Variants in SLC25A26 observed in about 807,000 individuals in gnomAD.
SLC25A26 encodes the protein solute carrier family 25 member 26, also known as mitochondrial S-adenosylmethionine carrier protein.
In SLC25A26, 36 loss-of-function variants were observed where a neutral mutation model predicts 37.8. That is an observed-to-expected ratio of 0.95 (90% CI 0.73 to 1.26). SLC25A26 has a LOEUF of 1.26. Among genes scored for constraint, SLC25A26 ranks in the 50% most tolerant of loss-of-function variants. The pLI, the probability that SLC25A26 is intolerant of heterozygous loss-of-function variation, is 0.00. For synonymous variants in SLC25A26, 129 were observed against 122.5 expected, an observed-to-expected ratio of 1.05 and a Z score of -0.35; for missense variants, 390 against 331.1, an observed-to-expected ratio of 1.18 and a Z score of -1.38.
chr3:66,134,908 G>T (rs2069924500), intron 1 of SLC25A26, among the ~76,000 whole-genome samples: 1 of 151,688 alleles, frequency 6.6e-6, no homozygotes, highest in Non-Finnish European at 1.5e-5. Flanking sequence ...TCGACTCACT[G>T]CAACTTCTGC....
At chr3:66,377,653 AT>A in intron 9 of SLC25A26, 36 bp from the exon 10 acceptor site, 1 of 1,527,558 alleles carries the variant, frequency 6.5e-7, no homozygotes, top group Non-Finnish European at 9.1e-7. Flanking sequence ...TTTTTTTAAA[AT>A]ACGCACAACA....
chr3:66,210,637 C>T (rs1054653901), intron 1 of SLC25A26, among the ~76,000 whole-genome samples: 4 of 152,058 alleles, frequency 2.6e-5, no homozygotes, highest in South Asian at 2.1e-4. Flanking sequence ...CTCTGTCTCT[C>T]GAGTAGTTGG....
intron 1 of SLC25A26, among the ~76,000 whole-genome samples, chr3:66,142,200 A>G (rs921958973): frequency 2.6e-5 from 4 of 152,176 alleles, no homozygotes; most frequent in African/African-American, 7.2e-5. Flanking sequence ...AGATTTACCT[A>G]TTCTGCACAC....
intron 5 of SLC25A26, among the ~76,000 whole-genome samples, chr3:66,283,017 C>T (rs1439392638): frequency 1.3e-5 from 2 of 152,150 alleles, no homozygotes. Flanking sequence ...TTGCATGTAT[C>T]AATAGTTTCT....
At chr3:66,362,991 C>T in intron 7 of SLC25A26, 62 bp downstream of exon 7, 6 of 1,133,184 alleles carry the variant, frequency 5.3e-6, no homozygotes, top group Non-Finnish European at 7.6e-6. Flanking sequence ...AAAATATTAA[C>T]TATGCAAAAA....
intron 1 of SLC25A26, among the ~76,000 whole-genome samples, chr3:66,229,864 T>TAA (rs373581880): frequency 1.2e-4 from 18 of 148,920 alleles, no homozygotes; most frequent in East Asian, 3.9e-4. Context: ...ATAGCCTCAC[T>TAA]AAAAAAAAAA....
chr3:66,348,187 G>C (rs1017713870), intron 6 of SLC25A26, among the ~76,000 whole-genome samples: 1 of 152,192 alleles, frequency 6.6e-6, no homozygotes, highest in African/African-American at 2.4e-5. Flanking sequence ...AAAACATGCA[G>C]AGATGTTACA....
intron 7 of SLC25A26, among the ~76,000 whole-genome samples, chr3:66,363,614 G>C (rs917731281): frequency 6.6e-6 from 1 of 152,194 alleles, no homozygotes; most frequent in African/African-American, 2.4e-5. Flanking sequence ...AGTATATTTT[G>C]TTGTTACAAC....
At chr3:66,240,269 G>A (rs1457090617) in intron 2 of SLC25A26, among the ~76,000 whole-genome samples, 1 of 152,086 alleles carries the variant, frequency 6.6e-6, no homozygotes, top group East Asian at 1.9e-4. Context: ...AGTTAATTTT[G>A]TGCAGTTATG....
intron 6 of SLC25A26, among the ~76,000 whole-genome samples, chr3:66,351,177 G>A (rs1211428811): frequency 6.6e-6 from 1 of 152,062 alleles, no homozygotes; most frequent in Non-Finnish European, 1.5e-5. Flanking sequence ...CGTCAGAGTG[G>A]CACCCAACTC....
chr3:66,236,041 A>T (rs2072262997), intron 1 of SLC25A26, among the ~76,000 whole-genome samples: 1 of 152,068 alleles, frequency 6.6e-6, no homozygotes, highest in Non-Finnish European at 1.5e-5. Context: ...CCTTCCAAGT[A>T]GCTGGACCTA....
chr3:66,325,137 G>C (rs2075804199), intron 5 of SLC25A26, among the ~76,000 whole-genome samples: 1 of 152,142 alleles, frequency 6.6e-6, no homozygotes, highest in African/African-American at 2.4e-5. Flanking sequence ...CACAATTCTA[G>C]TACAAGCATT....
chr3:66,278,089 G>T (rs2074216982), intron 5 of SLC25A26, among the ~76,000 whole-genome samples: 1 of 152,106 alleles, frequency 6.6e-6, no homozygotes, highest in Non-Finnish European at 1.5e-5. Context: ...TAGCATTGCA[G>T]CAAAACTGGT....
At chr3:66,194,696 C>G (rs1051727226) in intron 1 of SLC25A26, among the ~76,000 whole-genome samples, 1,621 of 152,302 alleles carry the variant, frequency 0.011, 31 homozygotes, top group African/African-American at 0.037. Context: ...CCTCCGCGCC[C>G]GTTCAAGTGA....
At chr3:66,138,721 A>G (rs917263082) in intron 1 of SLC25A26, among the ~76,000 whole-genome samples, 1 of 152,074 alleles carries the variant, frequency 6.6e-6, no homozygotes, top group African/African-American at 2.4e-5. Flanking sequence ...GGCATGGGAG[A>G]GAGCCAGAGG....
intron 1 of SLC25A26, among the ~76,000 whole-genome samples, chr3:66,190,052 C>T (rs2070907302): frequency 6.6e-6 from 1 of 152,110 alleles, no homozygotes; most frequent in Non-Finnish European, 1.5e-5. Context: ...TGGCTCAGGC[C>T]TGGAATCCCG....
At chr3:66,170,791 G>GTTTTTTTTTTTTTTTTTTTTTTTTTT (rs36147154) in intron 1 of SLC25A26, among the ~76,000 whole-genome samples, 1 of 50,894 alleles carries the variant, frequency 2.0e-5, no homozygotes, top group Non-Finnish European at 3.5e-5. Context: ...TGTGATTATT[G>GTTTTTTTTTTTTTTTTTTTTTTTTTT]TTTTTTTTTT....
At chr3:66,134,474 C>T (rs2106650432) in intron 1 of SLC25A26, among the ~76,000 whole-genome samples, 1 of 152,182 alleles carries the variant, frequency 6.6e-6, no homozygotes, top group East Asian at 1.9e-4. Flanking sequence ...CAATCTGGGG[C>T]CAGTGGGAAA....
At chr3:66,190,876 C>T (rs1353855439) in intron 1 of SLC25A26, among the ~76,000 whole-genome samples, 3 of 152,172 alleles carry the variant, frequency 2.0e-5, no homozygotes, top group African/African-American at 7.2e-5. Context: ...ACATATATAG[C>T]ATAGGTTCCT....
Sources: gnomAD v4.1 joint callset for allele counts (sites outside exome capture counted in the v4.1 genomes callset) on GRCh38, gnomAD v4.1.1 for gene constraint, MANE v1.5 for transcripts, NCBI Gene and HGNC (gene_info 2026-07-23, HGNC 2026-07-21) for gene names.